The following ARRDC2 variants were observed in gnomAD, a reference collection of about 807,000 sequenced individuals.
The protein encoded by ARRDC2 is arrestin domain-containing protein 2.
In ARRDC2, 39 loss-of-function variants were observed where a neutral mutation model predicts 38.9. The ratio of observed to expected loss-of-function variants is 1.00; its 90% confidence interval spans 0.78 to 1.31. ARRDC2 has a LOEUF of 1.31. ARRDC2 is among the 50% of genes most tolerant of loss of function. ARRDC2 has a pLI of 0.00. For synonymous variants in ARRDC2, 300 were observed against 261.9 expected, an observed-to-expected ratio of 1.15 and a Z score of -1.41; for missense variants, 553 against 588.4, an observed-to-expected ratio of 0.94 and a Z score of 0.62.
At chr19:18,004,381 G>A (rs1310978146), upstream of ARRDC2, among the ~76,000 whole-genome samples, 2 of 149,516 alleles carry the variant, frequency 1.3e-5, no homozygotes, top group Non-Finnish European at 3.0e-5. Flanking sequence ...CCAAGTAGCT[G>A]GGATTACAGG....
chr19:18,012,856 A>G, intron 7 of ARRDC2, 57 bp from the exon 8 acceptor site: 1 of 1,557,644 alleles, frequency 6.4e-7, no homozygotes, highest in Non-Finnish European at 8.8e-7. Flanking sequence ...GGGGAGCGGT[A>G]TTTCTGAATT....
intron 7 of ARRDC2, among the ~76,000 whole-genome samples, chr19:18,011,934 G>GTGTA (rs944958651): frequency 4.2e-4 from 29 of 68,392 alleles, no homozygotes; most frequent in African/African-American, 1.3e-3. Context: ...GTGTATATGT[G>GTGTA]TATATATATA....
exon 1 of ARRDC2, chr19:18,001,414 G>A (rs2033183276): frequency 8.2e-7 from 1 of 1,226,694 alleles, no homozygotes; most frequent in African/African-American, 1.6e-5. Context: ...GGTGCTGCTG[G>A]AGGCGGCGGC....
At chr19:18,005,651 CGGCTGGCCGGGCA>C (rs1274004430), upstream of ARRDC2, among the ~76,000 whole-genome samples, 66 of 150,044 alleles carry the variant, frequency 4.4e-4, no homozygotes, top group Admixed American at 5.9e-4. Context: ...CCGGACGGGG[CGGCTGGCCGGGCA>C]GGGGGCTGAC....
Position 18,010,684 on chromosome 19 carries a change from C to T in ARRDC2, c.1125C>T (p.Ala375=), listed in dbSNP as rs2033394722. 2 of 1,613,764 alleles carry T rather than the reference C, an allele frequency of 1.2e-6. No homozygotes were observed. The highest frequency in any genetic ancestry group is 2.2e-5 in the South Asian group (2 of 91,076). The change falls in exon 7 of 8, where the codon GCC becomes GCT. Residue 375 remains alanine (A), a synonymous_variant. Transcript: ENST00000222250. ...TGAGCCTTGAAGGCCCGTTCTTCGCCTACATCCAAGAGTTCCGCTACCGCC... is the reference window on the plus strand; with the variant it reads ...TGAGCCTTGAAGGCCCGTTCTTCGCTTACATCCAAGAGTTCCGCTACCGCC... The part of the protein sequence containing the change: ...PDMSLEGPFF[A]YIQEFRYRPP...
intron 7 of ARRDC2, 89 bp downstream of exon 7, chr19:18,010,818 G>GT (rs1352419826): frequency 2.9e-5 from 40 of 1,386,728 alleles, no homozygotes; most frequent in Non-Finnish European, 3.3e-5. Context: ...GGTTTTTTTT[G>GT]TTTTTTTGTT....
exon 1 of ARRDC2, chr19:18,001,197 G>T (rs2033177910): frequency 1.9e-6 from 2 of 1,053,478 alleles, no homozygotes; most frequent in East Asian, 5.3e-5. Flanking sequence ...CGCCGGGGGG[G>T]CCCGGAGGAA....
rs1378837288 is a variant in ARRDC2, at chr19:18,009,907, G to A, written c.717G>A (p.Val239=). The stretch of plus-strand genomic sequence containing the variant: ...GCGCCCGAAAGCAGAAACGGGCAGT[G>A]GTGGCCAGCCTCGCGGGCGAGCCGG... ...ARGARKQKRA[V]VASLAGEPVG... is the part of the protein sequence containing the mutation. Residue 239 remains valine, a synonymous_variant, in exon 5 of 8, where the codon GTG becomes GTA. Coordinates refer to ENST00000222250, the MANE Select transcript of ARRDC2 (RefSeq NM_015683.2). The A allele has an allele frequency of 6.2e-7, 1 of 1,608,680 alleles. No individual in the cohort carries two copies. Among genetic ancestry groups the A allele is most frequent in the East Asian group, 2.2e-5 (1 of 44,838 alleles).
At chr19:18,008,036 T>C, upstream of ARRDC2, 1 of 917,676 alleles carries the variant, frequency 1.1e-6, no homozygotes, top group Non-Finnish European at 1.5e-6. Context: ...CGTTTGTTAT[T>C]TTGCTCCACG....
Position 18,008,988 on chromosome 19 carries a change from T to C in ARRDC2, c.359T>C (p.Phe120Ser). ...FQLPPTLVTS[F>S]EGKHGSVRYC... ...CACCCTAGGACCCTGGTGACATCCT[T>C]CGAGGGCAAACACGGTAGTGTCCGC... Residue 120 changes from phenylalanine (F) to serine (S), a missense_variant, in exon 3 of 8, where the codon TTC (phenylalanine) becomes TCC (serine). By Grantham distance (155) the Phe-to-Ser change is radical. This residue lies in a region of ARRDC2 where 447 missense variants were observed against 456.6 expected (regional missense o/e 0.98). Transcript: ENST00000222250. 6.2e-7 allele frequency: 1 copy of C among 1,613,642 alleles called. No individual in the cohort carries two copies. The highest frequency in any genetic ancestry group is 1.3e-5 in the African/African-American group (1 of 74,992).
At chr19:18,001,587 C>CG in intron 1 of ARRDC2, 1 of 1,312,222 alleles carries the variant, frequency 7.6e-7, no homozygotes, top group Non-Finnish European at 9.7e-7. Context: ...AGACACTCGT[C>CG]GCGCCGCCCC....
At position 18,010,202 on chromosome 19, in the gene ARRDC2, G is replaced by A. The variant is rs1381911068; in HGVS notation, c.856G>A (p.Val286Met). ...TTATGGTTCCTTCCTCCAGGTCTGT[G>A]TGGATATCCCAGGAACGTCCAAGCT... is the stretch of plus-strand genomic sequence containing the variant. The part of the protein sequence containing the change: ...LHVDYALKVC[V>M]DIPGTSKLLL... Residue 286 changes from valine (V) to methionine (M), a missense_variant, in exon 6 of 8, where the codon GTG becomes ATG. Val to Met is a conservative substitution (Grantham distance 21). This residue lies in a region of ARRDC2 where 447 missense variants were observed against 456.6 expected (regional missense o/e 0.98). Transcript: ENST00000222250. 3 of 1,613,344 alleles carry A rather than the reference G, an allele frequency of 1.9e-6. No homozygotes were observed. The highest frequency in any genetic ancestry group is 1.1e-5 in the South Asian group (1 of 91,044).
chr19:18,010,555 C>A lies in ARRDC2; in HGVS notation c.1013-17C>A. Reference sequence around the variant, plus strand: ...CTCTCTCCTGCCAACCTCACCCACCCTGTCTCTCGCTTCCAGCTCCTCCTG... The same window carrying A: ...CTCTCTCCTGCCAACCTCACCCACCATGTCTCTCGCTTCCAGCTCCTCCTG... On this transcript the variant is annotated splice_polypyrimidine_tract_variant and intron_variant, in intron 6 of 7. Coordinates refer to ENST00000222250, the MANE Select transcript of ARRDC2 (RefSeq NM_015683.2). 6.2e-7 allele frequency: 1 copy of A among 1,612,840 alleles called. No individual in the cohort carries two copies.
chr19:18,001,546 C>T (rs1445449101), exon 1 of ARRDC2: 5 of 1,380,944 alleles, frequency 3.6e-6, no homozygotes, highest in African/African-American at 1.5e-5. Flanking sequence ...GGAGACCTAC[C>T]TGCGGCGTCG....
rs368207032 is a variant in ARRDC2, at chr19:18,009,932, G to C, written c.742G>C (p.Val248Leu). The C allele has an allele frequency of 3.7e-6, 6 of 1,606,152 alleles. No individual in the cohort carries two copies. The Admixed American group carries it at 6.7e-5, about 18-fold the overall frequency. ...AVVASLAGEP[V>L]GPGQRALWQG... ...GGTGGCCAGCCTCGCGGGCGAGCCG[G>C]TGGGCCCCGGGCAGCGGGCGCTGTG... The change falls in exon 5 of 8, where the codon GTG becomes CTG. Residue 248 changes from valine (V) to leucine (L), a missense_variant. This residue lies in a region of ARRDC2 where 447 missense variants were observed against 456.6 expected (regional missense o/e 0.98). Transcript: ENST00000222250.
upstream of ARRDC2, chr19:18,008,121 A>ACCCCCCCC (rs149842719): frequency 4.9e-4 from 182 of 370,636 alleles, 1 homozygote; most frequent in South Asian, 1.1e-3. Context: ...CGGTGACCCC[A>ACCCCCCCC]CCCCCCCCCG....
rs772256798 is a variant in ARRDC2, at chr19:18,002,689, C to T, written c.259+1116C>T. The stretch of plus-strand genomic sequence containing the variant: ...CCAGCGGTGGAAACAGAAGCAAGTG[C>T]GGTGGGGCAGGGCAGGAAGGGGCCC... On this transcript the variant is annotated intron_variant, in intron 1 of 7. Transcript: ENST00000379656. Among the ~76,000 whole-genome samples, 106 of 152,298 alleles carry T rather than the reference C, an allele frequency of 7.0e-4. 1 individual carries two copies. Among genetic ancestry groups the T allele is most frequent in the Non-Finnish European group, 3.2e-4 (22 of 68,024 alleles).
At chr19:18,003,713 C>T (rs966608188), upstream of ARRDC2, among the ~76,000 whole-genome samples, 1 of 152,016 alleles carries the variant, frequency 6.6e-6, no homozygotes, top group Non-Finnish European at 1.5e-5. Context: ...CATCTCGGCT[C>T]ACTGCAAGCT....
At chr19:18,005,630 CG>C (rs1200760084), upstream of ARRDC2, among the ~76,000 whole-genome samples, 32 of 148,782 alleles carry the variant, frequency 2.2e-4, no homozygotes, top group African/African-American at 6.9e-4. Context: ...GCTGACCCCC[CG>C]ACCTCCCTCC....
Sources: gnomAD v4.1 joint callset for allele counts (sites outside exome capture counted in the v4.1 genomes callset) on GRCh38, gnomAD v4.1.1 for gene constraint, gnomAD v4.1.1 regional missense constraint, MANE v1.5 for transcripts, NCBI Gene and HGNC (gene_info 2026-07-23, HGNC 2026-07-21) for gene names.